Variants in DLG2 observed in about 807,000 individuals in gnomAD.
The protein encoded by DLG2 is discs large MAGUK scaffold protein 2.
Under a neutral mutation model 132.5 loss-of-function variants are expected in DLG2, and 45 were observed. The observed-to-expected ratio is 0.34, with a 90% CI of 0.27 to 0.44. DLG2 has a LOEUF of 0.44. Among genes scored for constraint, DLG2 ranks in the 20% least tolerant of loss-of-function variants. The probability of loss-of-function intolerance (pLI) is 1.00; values close to 1 mark genes in which losing one functional copy is unlikely to be tolerated. For synonymous variants in DLG2, 424 were observed against 419.6 expected (o/e 1.01, Z -0.13); for missense variants, 1,045 against 1,196.9 (o/e 0.87, Z 1.87).
intron 7 of DLG2, among the ~76,000 whole-genome samples, chr11:84,529,064 T>A (rs1454737526): frequency 6.6e-6 from 1 of 152,186 alleles, no homozygotes. Flanking sequence ...AACGGACTTT[T>A]TTTTTCCCCT....
At chr11:83,868,926 C>A (rs1175634026) in intron 16 of DLG2, among the ~76,000 whole-genome samples, 1 of 152,166 alleles carries the variant, frequency 6.6e-6, no homozygotes, top group African/African-American at 2.4e-5. Context: ...ATGACTCAAG[C>A]CAACTAGCCC....
At chr11:83,769,748 A>G (rs1043180293) in intron 18 of DLG2, among the ~76,000 whole-genome samples, 1 of 151,866 alleles carries the variant, frequency 6.6e-6, no homozygotes, top group African/African-American at 2.4e-5. Flanking sequence ...ATTTTTTAGT[A>G]GAGACGGGGT....
At chr11:85,216,236 G>A (rs1207942101) in intron 4 of DLG2, among the ~76,000 whole-genome samples, 1 of 152,228 alleles carries the variant, frequency 6.6e-6, no homozygotes, top group Non-Finnish European at 1.5e-5. Context: ...AAGTCAGTGG[G>A]CTAACACAGG....
chr11:84,405,494 A>G (rs1043867478), intron 7 of DLG2, among the ~76,000 whole-genome samples: 3 of 152,216 alleles, frequency 2.0e-5, no homozygotes, highest in African/African-American at 4.8e-5. Context: ...TTGCCTTCCT[A>G]TAAGTTTTGG....
intron 22 of DLG2, among the ~76,000 whole-genome samples, chr11:83,482,007 TTCTC>T (rs1433853276): frequency 6.6e-6 from 1 of 152,090 alleles, no homozygotes; most frequent in African/African-American, 2.4e-5. Context: ...AGTTTACAAA[TTCTC>T]TCTGGTGGTG....
chr11:85,058,054 G>T (rs937096780), intron 6 of DLG2, among the ~76,000 whole-genome samples: 2 of 151,226 alleles, frequency 1.3e-5, no homozygotes, highest in African/African-American at 4.8e-5. Flanking sequence ...CAATACTGGA[G>T]ATTTTAGCCA....
At chr11:84,463,793 C>T (rs1406612335) in intron 7 of DLG2, among the ~76,000 whole-genome samples, 1 of 151,062 alleles carries the variant, frequency 6.6e-6, no homozygotes, top group Admixed American at 6.6e-5. Context: ...TAATCTTGAA[C>T]ACACCCGTGG....
intron 6 of DLG2, among the ~76,000 whole-genome samples, chr11:84,889,997 A>G (rs1375463723): frequency 2.0e-5 from 3 of 152,210 alleles, no homozygotes; most frequent in African/African-American, 7.2e-5. Context: ...CCTCAGTGAA[A>G]TATATGGATA....
At chr11:83,891,361 G>A (rs2069810125) in intron 15 of DLG2, among the ~76,000 whole-genome samples, 1 of 152,190 alleles carries the variant, frequency 6.6e-6, no homozygotes, top group Non-Finnish European at 1.5e-5. Flanking sequence ...GTTTTAGTGG[G>A]AAGACTTTAG....
intron 18 of DLG2, among the ~76,000 whole-genome samples, chr11:83,678,421 T>G (rs1221638605): frequency 1.3e-5 from 2 of 152,168 alleles, no homozygotes; most frequent in Non-Finnish European, 2.9e-5. Context: ...GCCCTTCTTC[T>G]TTTTCATAGT....
intron 6 of DLG2, among the ~76,000 whole-genome samples, chr11:85,022,022 A>G (rs1441954968): frequency 6.6e-6 from 1 of 152,160 alleles, no homozygotes; most frequent in East Asian, 1.9e-4. Flanking sequence ...AATAAAACTA[A>G]ATACATCCTA....
chr11:84,572,359 T>C (rs1769207376), intron 6 of DLG2, among the ~76,000 whole-genome samples: 1 of 152,148 alleles, frequency 6.6e-6, no homozygotes, highest in Admixed American at 6.6e-5. Flanking sequence ...AAAAGTGATG[T>C]TGTAGTAGCT....
chr11:85,295,221 C>T (rs540129397), intron 3 of DLG2, among the ~76,000 whole-genome samples: 2 of 152,200 alleles, frequency 1.3e-5, no homozygotes, highest in African/African-American at 2.4e-5. Flanking sequence ...GTAAATTCTA[C>T]AAATCTTCAG....
At chr11:85,458,886 G>C (rs1041021870) in intron 3 of DLG2, among the ~76,000 whole-genome samples, 5 of 152,132 alleles carry the variant, frequency 3.3e-5, no homozygotes, top group Non-Finnish European at 7.3e-5. Flanking sequence ...TGGGACTCTT[G>C]GGCAGAAGGG....
At chr11:84,472,818 T>C (rs557346487) in intron 7 of DLG2, among the ~76,000 whole-genome samples, 1 of 152,166 alleles carries the variant, frequency 6.6e-6, no homozygotes, top group South Asian at 2.1e-4. Context: ...TATATACTTC[T>C]GATAAATATT....
chr11:84,876,990 A>AT, intron 6 of DLG2, among the ~76,000 whole-genome samples: 1 of 152,138 alleles, frequency 6.6e-6, no homozygotes, highest in East Asian at 1.9e-4. Flanking sequence ...TAGTTGTGTG[A>AT]TTTTTTGAGT....
intron 18 of DLG2, chr11:83,646,892 T>C (rs1243559308): frequency 1.3e-5 from 2 of 152,170 alleles, no homozygotes; most frequent in Non-Finnish European, 2.9e-5. Context: ...TCTCAATTAA[T>C]GGGTGTCTCA....
chr11:84,959,544 G>C (rs966710925), intron 6 of DLG2, among the ~76,000 whole-genome samples: 1 of 152,144 alleles, frequency 6.6e-6, no homozygotes, highest in African/African-American at 2.4e-5. Context: ...CAAGACCTCA[G>C]TCTTTTACTT....
intron 6 of DLG2, among the ~76,000 whole-genome samples, chr11:84,770,127 T>C (rs2069060507): frequency 6.6e-6 from 1 of 152,074 alleles, no homozygotes; most frequent in Non-Finnish European, 1.5e-5. Context: ...TCTGGTTGCT[T>C]AAAAGTGTGT....
Sources: allele counts gnomAD v4.1 joint callset (sites outside exome capture counted in the v4.1 genomes callset), GRCh38; gene constraint gnomAD v4.1.1; transcripts MANE v1.5; gene names NCBI Gene and HGNC (gene_info 2026-07-23, HGNC 2026-07-21).